The following SNX29 variants were observed in gnomAD, a reference collection of about 807,000 sequenced individuals.
The protein encoded by SNX29 is sorting nexin-29.
Under a neutral mutation model 102.1 loss-of-function variants are expected in SNX29, and 78 were observed. The ratio of observed to expected loss-of-function variants is 0.76; its 90% CI spans 0.64 to 0.92. SNX29 has a LOEUF of 0.92. Among genes scored for constraint, SNX29 ranks in the 40% least tolerant of loss-of-function variants. SNX29 has a pLI of 0.00. For missense variants in SNX29, 1,280 were observed against 1,061.7 expected (o/e 1.21, Z -2.86); for synonymous variants, 580 against 414.5 (o/e 1.40, Z -4.85).
intron 20 of SNX29, among the ~76,000 whole-genome samples, chr16:12,549,980 C>G (rs1435774718): frequency 3.3e-5 from 5 of 152,222 alleles, no homozygotes; most frequent in Non-Finnish European, 7.3e-5. Flanking sequence ...GTCATTCACA[C>G]TTCATGTATA....
chr16:12,494,777 G>C (rs11860733), intron 19 of SNX29, among the ~76,000 whole-genome samples: 110,601 of 152,190 alleles, frequency 0.73, 42,197 homozygotes, highest in East Asian at 1. Flanking sequence ...AAAATGGGAA[G>C]TGTTTTGTGT....
intron 14 of SNX29, among the ~76,000 whole-genome samples, chr16:12,274,794 T>C (rs2079195724): frequency 6.6e-6 from 1 of 152,216 alleles, no homozygotes; most frequent in Non-Finnish European, 1.5e-5. Flanking sequence ...TCTGGAAATT[T>C]TGCTACCCTT....
chr16:12,337,232 A>C (rs541763717), intron 15 of SNX29, among the ~76,000 whole-genome samples: 1 of 152,016 alleles, frequency 6.6e-6, no homozygotes, highest in Non-Finnish European at 1.5e-5. Flanking sequence ...CACTGTCTCC[A>C]CAGTTGCTGG....
chr16:12,217,211 G>A (rs543824182), intron 14 of SNX29, among the ~76,000 whole-genome samples: 12 of 152,190 alleles, frequency 7.9e-5, no homozygotes, highest in African/African-American at 2.6e-4. Context: ...GTAGAGACAG[G>A]GTCTCACGAT....
intron 20 of SNX29, among the ~76,000 whole-genome samples, chr16:12,553,990 A>C (rs142907541): frequency 2.4e-3 from 371 of 152,098 alleles, no homozygotes; most frequent in African/African-American, 8.3e-3. Context: ...ACATTTGGCT[A>C]ATTTTTGTAT....
chr16:12,237,799 T>C (rs2077982679), intron 14 of SNX29, among the ~76,000 whole-genome samples: 1 of 152,170 alleles, frequency 6.6e-6, no homozygotes, highest in Non-Finnish European at 1.5e-5. Context: ...TCCCAGCTAC[T>C]TGGGAGGCTG....
intron 2 of SNX29, among the ~76,000 whole-genome samples, chr16:12,001,121 G>GT (rs929894907): frequency 1.9e-4 from 29 of 151,478 alleles, no homozygotes; most frequent in Non-Finnish European, 3.7e-4. Flanking sequence ...AGCTGCTGCT[G>GT]TTTTTTTTTA....
At chr16:12,315,988 A>G (rs1407040693) in intron 15 of SNX29, among the ~76,000 whole-genome samples, 1 of 152,238 alleles carries the variant, frequency 6.6e-6, no homozygotes, top group Non-Finnish European at 1.5e-5. Flanking sequence ...CTCAACAGAT[A>G]CACAACTGCG....
chr16:12,195,324 T>C (rs1419983020), intron 13 of SNX29, among the ~76,000 whole-genome samples: 3 of 152,262 alleles, frequency 2.0e-5, no homozygotes, highest in Non-Finnish European at 2.9e-5. Flanking sequence ...TTCTTTCTTT[T>C]ATATTCAAAG....
At chr16:12,368,483 C>T (rs1597103237) in intron 16 of SNX29, among the ~76,000 whole-genome samples, 1 of 152,192 alleles carries the variant, frequency 6.6e-6, no homozygotes, top group African/African-American at 2.4e-5. Flanking sequence ...GGCCACTTTA[C>T]CCAATGTGAG....
intron 9 of SNX29, among the ~76,000 whole-genome samples, chr16:12,062,770 G>A (rs919489721): frequency 1.3e-5 from 2 of 152,178 alleles, no homozygotes; most frequent in Non-Finnish European, 2.9e-5. Context: ...CTGAACTGGG[G>A]TGTAGATTCT....
intron 13 of SNX29, among the ~76,000 whole-genome samples, chr16:12,154,733 C>T (rs2055463558): frequency 6.6e-6 from 1 of 152,188 alleles, no homozygotes; most frequent in African/African-American, 2.4e-5. Flanking sequence ...ATCAAGGTGC[C>T]AGCAGATGTG....
Position 12,441,823 on chromosome 16 carries a change from C to G in SNX29, c.2038-35896C>G, listed in dbSNP as rs143243970. Among the ~76,000 whole-genome samples the G allele has an allele frequency of 0.012, 1,901 of 152,304 alleles. 90 individuals are homozygous for G. In the East Asian group the frequency reaches 0.17, roughly 13 times the overall value. ...TTTTGTTTTGAGTTAGATTCTCACT[C>G]TGTCACCCAGGCTGGCGTGCAGTGG... On this transcript the variant is annotated intron_variant, in intron 18 of 20. Coordinates refer to ENST00000566228, the MANE Select transcript of SNX29 (RefSeq NM_032167.5).
intron 20 of SNX29, among the ~76,000 whole-genome samples, chr16:12,566,108 C>CT (rs2141542288): frequency 6.6e-6 from 1 of 152,356 alleles, no homozygotes; most frequent in East Asian, 1.9e-4. Flanking sequence ...ACCACCCCAC[C>CT]TTTATTCTGT....
chr16:12,037,249 C>T (rs1304742567), intron 4 of SNX29, among the ~76,000 whole-genome samples: 2 of 152,282 alleles, frequency 1.3e-5, no homozygotes, highest in South Asian at 2.1e-4. Context: ...GGTGTGGCTG[C>T]GTTCCAGGAA....
intron 20 of SNX29, among the ~76,000 whole-genome samples, chr16:12,553,132 C>T (rs1032156609): frequency 1.3e-5 from 2 of 152,170 alleles, no homozygotes; most frequent in Non-Finnish European, 2.9e-5. Flanking sequence ...CCTTGGGCTT[C>T]TGGCTCACAG....
intron 20 of SNX29, among the ~76,000 whole-genome samples, chr16:12,533,606 C>T (rs8062191): frequency 0.043 from 6,609 of 152,160 alleles, 170 homozygotes; most frequent in Middle Eastern, 0.092. Flanking sequence ...GAGGAGACAC[C>T]CCGCTACCTG....
At chr16:12,097,986 T>C (rs1305627392) in intron 11 of SNX29, among the ~76,000 whole-genome samples, 1 of 152,272 alleles carries the variant, frequency 6.6e-6, no homozygotes, top group Non-Finnish European at 1.5e-5. Flanking sequence ...CCCAGGCTCC[T>C]GCAGTCCCAC....
At chr16:12,032,318 C>T (rs1386854945) in intron 4 of SNX29, among the ~76,000 whole-genome samples, 1 of 151,856 alleles carries the variant, frequency 6.6e-6, no homozygotes, top group East Asian at 1.9e-4. Context: ...AGCGATTCTC[C>T]TGCCTCAGCC....
Sources: allele counts gnomAD v4.1 joint callset (sites outside exome capture counted in the v4.1 genomes callset), GRCh38; gene constraint gnomAD v4.1.1; transcripts MANE v1.5; gene names NCBI Gene and HGNC (gene_info 2026-07-23, HGNC 2026-07-21).